SDK1: variants seen among roughly 807,000 people sequenced by gnomAD.
SDK1 encodes the protein sidekick cell adhesion molecule 1.
Under a neutral mutation model 245.5 loss-of-function variants are expected in SDK1, and 157 were observed. The ratio of observed to expected loss-of-function variants is 0.64; its 90% CI spans 0.56 to 0.73. The LOEUF (loss-of-function observed/expected upper bound fraction) is 0.73, where lower values mean the gene tolerates loss of function less well. SDK1 is among the 30% of genes least tolerant of loss of function. SDK1 has a pLI of 0.00. For missense variants in SDK1, 3,583 were observed against 3,002.3 expected (o/e 1.19, Z -4.52); for synonymous variants, 1,647 against 1,278.5 (o/e 1.29, Z -6.15).
intron 35 of SDK1, among the ~76,000 whole-genome samples, chr7:4,197,519 C>A (rs986870015): frequency 6.6e-6 from 1 of 152,096 alleles, no homozygotes; most frequent in Non-Finnish European, 1.5e-5. Context: ...AACATTCTTC[C>A]ACAAGGAGAA....
intron 35 of SDK1, among the ~76,000 whole-genome samples, chr7:4,204,713 G>A (rs926784899): frequency 1.3e-5 from 2 of 152,218 alleles, no homozygotes; most frequent in African/African-American, 4.8e-5. Flanking sequence ...GGCAGGCGGA[G>A]AGGAGTGCTC....
In SDK1 at chr7:4,268,771, T is replaced by C. The variant is rs775776359; in HGVS notation, c.*3387T>C. ...GGTAGCATGGATCCAGTCTGAAAGG[T>C]GAGGACAACGTGGAAACTCATGAGC... On this transcript the variant is annotated 3_prime_UTR_variant, in exon 45 of 45. Coordinates refer to ENST00000404826, the MANE Select transcript of SDK1 (RefSeq NM_152744.4). 4 of 1,365,516 alleles carry C rather than the reference T, an allele frequency of 2.9e-6. No individual in the cohort carries two copies. In the Admixed American group the frequency reaches 7.6e-5, roughly 26 times the overall value. 84.6% of individuals were successfully genotyped at this position (1,365,516 alleles called of 1,614,324 possible). A position where few individuals can be genotyped will look rare whatever the true frequency, so the allele number is the denominator to read the frequency against.
In SDK1 at chr7:4,203,247, G is replaced by A. The variant is rs111261921; in HGVS notation, c.5099-2632G>A. On this transcript the variant is annotated intron_variant, in intron 35 of 44. Coordinates refer to ENST00000404826, the MANE Select transcript of SDK1 (RefSeq NM_152744.4). ...TCAGGAATTCCACGATGGCTGTCAG[G>A]TGAGGGTCCCTCCAGAAGTCCTGAA... Among the ~76,000 whole-genome samples the A allele has an allele frequency of 1.3e-3, 193 of 152,300 alleles. 2 individuals carry two copies. Among genetic ancestry groups the A allele is most frequent in the African/African-American group, 4.2e-3 (174 of 41,554 alleles).
chr7:3,910,541 G>C (rs1779128096), intron 5 of SDK1, among the ~76,000 whole-genome samples: 1 of 152,116 alleles, frequency 6.6e-6, no homozygotes, highest in Non-Finnish European at 1.5e-5. Flanking sequence ...GTGCCATTCG[G>C]TTACCTTCGG....
At chr7:4,025,492 C>T (rs955897911) in intron 17 of SDK1, among the ~76,000 whole-genome samples, 1 of 152,196 alleles carries the variant, frequency 6.6e-6, no homozygotes, top group East Asian at 1.9e-4. Context: ...CTGGGACTTA[C>T]CCTTCACCTG....
chr7:3,419,137 AG>A (rs1474752241), intron 1 of SDK1, among the ~76,000 whole-genome samples: 2 of 152,210 alleles, frequency 1.3e-5, no homozygotes, highest in Non-Finnish European at 2.9e-5. Context: ...GTGTTGTTCA[AG>A]GGTCAGACTG....
intron 1 of SDK1, among the ~76,000 whole-genome samples, chr7:3,574,601 T>G (rs1448132084): frequency 1.3e-5 from 2 of 152,096 alleles, no homozygotes; most frequent in Non-Finnish European, 2.9e-5. Context: ...GCAGCGTGCC[T>G]GCCATTTGCA....
At chr7:3,942,138 C>T (rs1053548968) in intron 5 of SDK1, among the ~76,000 whole-genome samples, 1 of 152,146 alleles carries the variant, frequency 6.6e-6, no homozygotes, top group Non-Finnish European at 1.5e-5. Context: ...GATCTCCTGA[C>T]CTCATGATCC....
chr7:3,569,992 C>T (rs1780055285), intron 1 of SDK1, among the ~76,000 whole-genome samples: 1 of 152,270 alleles, frequency 6.6e-6, no homozygotes, highest in African/African-American at 2.4e-5. Context: ...CCATTATTTT[C>T]TCTTACCAGT....
chr7:4,123,914 G>C (rs556507633), intron 25 of SDK1, among the ~76,000 whole-genome samples: 1 of 152,344 alleles, frequency 6.6e-6, no homozygotes, highest in South Asian at 2.1e-4. Context: ...GGATCAGGGA[G>C]CGTGCCCCTT....
chr7:4,256,514 A>G (rs555562218), intron 44 of SDK1, among the ~76,000 whole-genome samples: 28 of 152,376 alleles, frequency 1.8e-4, no homozygotes, highest in Admixed American at 5.2e-4. Flanking sequence ...GAATAAACCC[A>G]AAAGCTGTAG....
At chr7:4,230,089 G>T in intron 40 of SDK1, among the ~76,000 whole-genome samples, 1 of 107,070 alleles carries the variant, frequency 9.3e-6, no homozygotes, top group South Asian at 3.3e-4. Flanking sequence ...GGAAGGGTGG[G>T]CAGGCAGATG....
chr7:3,950,373 A>C lies in SDK1; in HGVS notation c.848-550A>C, dbSNP rs144269526. On this transcript the variant is annotated intron_variant, in intron 5 of 44. Coordinates refer to ENST00000404826, the MANE Select transcript of SDK1 (RefSeq NM_152744.4). ...TCATGCTCCGATCATCCCATCTTCTATCTGCCCTTTCACTTTCTGTGGTTT... is the reference window on the plus strand; with the variant it reads ...TCATGCTCCGATCATCCCATCTTCTCTCTGCCCTTTCACTTTCTGTGGTTT... Among the ~76,000 whole-genome samples the C allele has an allele frequency of 2.6e-3, 403 of 152,336 alleles. 2 individuals are homozygous for C. The highest frequency in any genetic ancestry group is 9.4e-3 in the African/African-American group (392 of 41,578).
intron 1 of SDK1, among the ~76,000 whole-genome samples, chr7:3,593,269 C>T (rs147500688): frequency 1.5e-3 from 223 of 152,240 alleles, no homozygotes; most frequent in African/African-American, 5.1e-3. Context: ...TACATAGAAG[C>T]ACTGCCCCTG....
At chr7:4,065,234 G>T (rs1216592267) in intron 19 of SDK1, among the ~76,000 whole-genome samples, 1 of 152,158 alleles carries the variant, frequency 6.6e-6, no homozygotes, top group Non-Finnish European at 1.5e-5. Context: ...TCAGACTCTC[G>T]GGTGCTGGAG....
chr7:3,358,162 C>CAG (rs1371152435), intron 1 of SDK1, among the ~76,000 whole-genome samples: 2 of 152,100 alleles, frequency 1.3e-5, no homozygotes, highest in East Asian at 3.9e-4. Context: ...GCTCAGACTA[C>CAG]AGGCCCATGC....
intron 4 of SDK1, among the ~76,000 whole-genome samples, chr7:3,789,039 C>T (rs1442351196): frequency 5.9e-5 from 9 of 152,204 alleles, no homozygotes; most frequent in African/African-American, 2.2e-4. Flanking sequence ...GGGAGCAGAG[C>T]TTGACCATAT....
chr7:3,463,543 T>TAGTGCCAGCCCGTGGGA (rs58819293), intron 1 of SDK1, among the ~76,000 whole-genome samples: 1 of 152,062 alleles, frequency 6.6e-6, no homozygotes, highest in African/African-American at 2.4e-5. Flanking sequence ...GTGCATAATT[T>TAGTGCCAGCCCGTGGGA]AGTGCCAGTA....
At chr7:3,474,740 C>T (rs1326051881) in intron 1 of SDK1, among the ~76,000 whole-genome samples, 2 of 152,074 alleles carry the variant, frequency 1.3e-5, no homozygotes, top group Admixed American at 6.5e-5. Context: ...ACCCAGGCTG[C>T]AGTGCAGTGG....
Sources: allele counts gnomAD v4.1 joint callset (sites outside exome capture counted in the v4.1 genomes callset), GRCh38; gene constraint gnomAD v4.1.1; transcripts MANE v1.5; gene names NCBI Gene and HGNC (gene_info 2026-07-23, HGNC 2026-07-21).